Variants in RPA1 observed in about 807,000 individuals in gnomAD.
The protein encoded by RPA1 is replication protein A 70 kDa DNA-binding subunit.
In RPA1, 49 loss-of-function variants were observed where a neutral mutation model predicts 83.0. The ratio of observed to expected loss-of-function variants is 0.59; its 90% CI spans 0.47 to 0.75. The LOEUF (loss-of-function observed/expected upper bound fraction) is 0.75, where lower values mean the gene tolerates loss of function less well. RPA1 is among the 30% of genes least tolerant of loss of function. RPA1 has a pLI of 0.00. For missense variants in RPA1, 693 were observed against 776.1 expected, an observed-to-expected ratio of 0.89 and a Z score of 1.27; for synonymous variants, 279 against 281.8, an observed-to-expected ratio of 0.99 and a Z score of 0.10.
chr17:1,847,223 C>T (rs902857627), intron 4 of RPA1, among the ~76,000 whole-genome samples: 1 of 152,178 alleles, frequency 6.6e-6, no homozygotes, highest in African/African-American at 2.4e-5. Flanking sequence ...TTGGTATTTG[C>T]TCTGACATAG....
At chr17:1,857,661 G>A (rs1912760993) in intron 5 of RPA1, among the ~76,000 whole-genome samples, 1 of 116,650 alleles carries the variant, frequency 8.6e-6, no homozygotes, top group South Asian at 2.7e-4. Context: ...CCCCCCACCC[G>A]GCCCGTCCCC....
chr17:1,836,267 A>ATG (rs77437985), intron 1 of RPA1, among the ~76,000 whole-genome samples: 7 of 151,670 alleles, frequency 4.6e-5, no homozygotes, highest in Admixed American at 6.6e-5. Flanking sequence ...GCACGCCACC[A>ATG]CCTGGCTAAT....
rs1913884378 is a variant in RPA1, at chr17:1,883,699, A to G, written c.1242-113A>G. On this transcript the variant is annotated intron_variant, in intron 12 of 16. Coordinates refer to ENST00000254719, the MANE Select transcript of RPA1 (RefSeq NM_002945.5). ...CCGACATGACCGTGACCTGTGTGAA[A>G]GCTGGGCGGGTGGTGGGAAACCTGT... is the stretch of plus-strand genomic sequence containing the variant. 1.6e-5 allele frequency: 22 copies of G among 1,379,986 alleles called. No individual in the cohort carries two copies. In the South Asian group the frequency reaches 2.6e-4, roughly 17 times the overall value. The allele number at this position is 1,379,986 out of a possible 1,614,324, so 85.5% of individuals were successfully genotyped here.
intron 3 of RPA1, 101 bp from the exon 4 acceptor site, chr17:1,844,477 C>T (rs1912180503): frequency 3.9e-6 from 3 of 778,008 alleles, no homozygotes; most frequent in Non-Finnish European, 6.4e-6. Context: ...ATTTCAGGAG[C>T]ATATGTAAGG....
At chr17:1,862,219 T>G (rs1597438840) in intron 5 of RPA1, among the ~76,000 whole-genome samples, 1 of 89,724 alleles carries the variant, frequency 1.1e-5, no homozygotes, top group East Asian at 3.3e-4. Context: ...TTTTTTTTTT[T>G]GTAGCGATGG....
At position 1,843,991 on chromosome 17, in the gene RPA1, T is replaced by A. The variant is rs374885156; in HGVS notation, c.156T>A (p.Thr52=). The change falls in exon 3 of 17, where the codon ACT becomes ACA. Residue 52 remains threonine (T), a synonymous_variant. Coordinates refer to ENST00000254719, the MANE Select transcript of RPA1 (RefSeq NM_002945.5). ...TGCTCATGAGTGATGGATTGAACAC[T>A]CTATCCTGTGAGTATGGTGTATCCA... ...YRLLMSDGLN[T]LSSFMLATQL... The A allele has an allele frequency of 2.8e-5, 45 of 1,613,190 alleles. No homozygotes were observed. The highest frequency in any genetic ancestry group is 3.6e-5 in the Non-Finnish European group (42 of 1,179,444).
At chr17:1,844,027 TGTGA>T in intron 3 of RPA1, 29 bp downstream of exon 3, 1 of 1,595,666 alleles carries the variant, frequency 6.3e-7, no homozygotes, top group Non-Finnish European at 8.6e-7. Context: ...TCTAGAAATG[TGTGA>T]GTATTTAAAT....
chr17:1,883,794 A>G lies in RPA1; in HGVS notation c.1242-18A>G, dbSNP rs771034624. 1 of 1,613,970 alleles carries G rather than the reference A, an allele frequency of 6.2e-7. No individual in the cohort carries two copies. The highest frequency in any genetic ancestry group is 2.2e-5 in the East Asian group (1 of 44,880). ...GTCACATCAAGCGCTCGTCATCGTT[A>G]TTCGTTCACGTTTTCAGGTTTGACG... is the stretch of plus-strand genomic sequence containing the variant. On this transcript the variant is annotated intron_variant, in intron 12 of 16. Transcript: ENST00000254719.
chr17:1,841,235 C>G (rs960090919), intron 1 of RPA1, among the ~76,000 whole-genome samples: 14 of 152,070 alleles, frequency 9.2e-5, no homozygotes, highest in African/African-American at 3.4e-4. Context: ...TTATAGATAC[C>G]TTAGGATTTT....
chr17:1,867,080 A>T (rs1913201258), intron 5 of RPA1, among the ~76,000 whole-genome samples: 1 of 152,148 alleles, frequency 6.6e-6, no homozygotes, highest in Non-Finnish European at 1.5e-5. Context: ...TATTTACACA[A>T]ATTGTAATTT....
intron 4 of RPA1, among the ~76,000 whole-genome samples, chr17:1,846,311 C>CT (rs71150823): frequency 0.51 from 38,405 of 75,916 alleles, 11,141 homozygotes; most frequent in Non-Finnish European, 0.63. Context: ...GGAAGCTTTG[C>CT]TTTTTTTTTT....
At chr17:1,885,072 T>C (rs1489301456) in intron 13 of RPA1, among the ~76,000 whole-genome samples, 1 of 152,214 alleles carries the variant, frequency 6.6e-6, no homozygotes, top group Non-Finnish European at 1.5e-5. Flanking sequence ...GACAGCATTT[T>C]ACCCACAGGA....
chr17:1,836,533 C>G (rs548503071), intron 1 of RPA1, among the ~76,000 whole-genome samples: 9 of 152,294 alleles, frequency 5.9e-5, no homozygotes, highest in African/African-American at 2.2e-4. Context: ...CTTGCTCCTT[C>G]CCCACCTCCA....
At chr17:1,878,895 G>A in intron 8 of RPA1, 98 bp from the exon 9 acceptor site, 1 of 1,133,966 alleles carries the variant, frequency 8.8e-7, no homozygotes, top group South Asian at 1.3e-5. Flanking sequence ...ATGTCACTTT[G>A]GTGCTAGGGT....
intron 15 of RPA1, among the ~76,000 whole-genome samples, chr17:1,894,104 A>G (rs1914301391): frequency 6.7e-6 from 1 of 149,962 alleles, no homozygotes; most frequent in Non-Finnish European, 1.5e-5. Flanking sequence ...CCTGGCCTCA[A>G]GCAGTCCTCC....
At chr17:1,878,870 G>A (rs1342350682) in intron 8 of RPA1, 123 bp from the exon 9 acceptor site, 10 of 871,852 alleles carry the variant, frequency 1.1e-5, no homozygotes, top group East Asian at 2.5e-5. Flanking sequence ...TTGTGCAAGG[G>A]CCACTGCTCT....
In RPA1 at chr17:1,897,308, C is replaced by T. The variant is rs1914480870; in HGVS notation, c.*133C>T. On this transcript the variant is annotated 3_prime_UTR_variant, in exon 17 of 17. Coordinates refer to ENST00000254719, the MANE Select transcript of RPA1 (RefSeq NM_002945.5). ...TGATGGTGGACTAAGCAATTTCCCC[C>T]CTCGTGCGCATCTCAGAACCCATCG... 3.0e-6 allele frequency: 2 copies of T among 664,238 alleles called. No individual in the cohort carries two copies. The highest frequency in any genetic ancestry group is 2.8e-5 in the East Asian group (1 of 36,204). 41.1% of individuals were successfully genotyped at this position (664,238 alleles called of 1,614,324 possible).
At chr17:1,879,093 G>T in intron 9 of RPA1, 32 bp downstream of exon 9, 1 of 1,613,160 alleles carries the variant, frequency 6.2e-7, no homozygotes, top group East Asian at 2.2e-5. Context: ...AACTGACACC[G>T]CCTGGGGGTG....
chr17:1,853,233 CTT>C, intron 5 of RPA1, 44 bp downstream of exon 5: 1 of 1,383,336 alleles, frequency 7.2e-7, no homozygotes, highest in Non-Finnish European at 1.0e-6. Context: ...ATGAATACCT[CTT>C]TATATATTCG....
Sources: allele counts gnomAD v4.1 joint callset (sites outside exome capture counted in the v4.1 genomes callset), GRCh38; gene constraint gnomAD v4.1.1; transcripts MANE v1.5; gene names NCBI Gene and HGNC (gene_info 2026-07-23, HGNC 2026-07-21).